Variants in LRMDA observed in about 807,000 individuals in gnomAD.
The protein encoded by LRMDA is leucine-rich melanocyte differentiation-associated protein.
A neutral mutation model predicts 29.8 loss-of-function variants in LRMDA; 18 were observed. The observed-to-expected ratio is 0.60, with a 90% CI of 0.42 to 0.90. The LOEUF (loss-of-function observed/expected upper bound fraction) is 0.90. Among genes scored for constraint, LRMDA ranks in the 40% least tolerant of loss-of-function variants. The pLI, the probability that LRMDA is intolerant of heterozygous loss-of-function variation, is 0.00. For missense variants in LRMDA, 273 were observed against 273.9 expected, an observed-to-expected ratio of 1.00 and a Z score of 0.02; for synonymous variants, 125 against 109.4, an observed-to-expected ratio of 1.14 and a Z score of -0.89.
chr10:76,145,481 G>A (rs1850296917), intron 5 of LRMDA, among the ~76,000 whole-genome samples: 1 of 152,124 alleles, frequency 6.6e-6, no homozygotes, highest in African/African-American at 2.4e-5. Context: ...TTTGCGTAGA[G>A]GTGTTTATAG....
At chr10:75,515,853 GC>G (rs1470942432) in intron 2 of LRMDA, among the ~76,000 whole-genome samples, 1 of 151,632 alleles carries the variant, frequency 6.6e-6, no homozygotes, top group Admixed American at 6.6e-5. Flanking sequence ...CCCTCCCCAA[GC>G]CCCCCACCTC....
chr10:76,188,374 C>A (rs988717446), intron 5 of LRMDA, among the ~76,000 whole-genome samples: 1 of 152,212 alleles, frequency 6.6e-6, no homozygotes, highest in Non-Finnish European at 1.5e-5. Flanking sequence ...ACTGGCCAGA[C>A]TCCAGGAGTA....
intron 2 of LRMDA, among the ~76,000 whole-genome samples, chr10:75,515,855 C>A (rs975106813): frequency 6.6e-6 from 1 of 152,070 alleles, no homozygotes; most frequent in African/African-American, 2.4e-5. Flanking sequence ...CTCCCCAAGC[C>A]CCCCACCTCC....
chr10:75,678,612 C>T (rs7085781), intron 2 of LRMDA, among the ~76,000 whole-genome samples: 30,442 of 152,122 alleles, frequency 0.2, 7,587 homozygotes, highest in African/African-American at 0.58. Flanking sequence ...GGCAACTGGG[C>T]ACTCCACAGA....
At chr10:76,266,536 G>A (rs1364639375) in intron 5 of LRMDA, among the ~76,000 whole-genome samples, 1 of 152,116 alleles carries the variant, frequency 6.6e-6, no homozygotes, top group African/African-American at 2.4e-5. Flanking sequence ...TGCAATACCT[G>A]TTTGAGGAAA....
In LRMDA at chr10:76,558,912, G is replaced by A. The variant is rs978901811; in HGVS notation, c.*1624G>A. 6.6e-6 allele frequency: 1 copy of A among 152,138 alleles called. No individual in the cohort carries two copies. Among genetic ancestry groups the A allele is most frequent in the Non-Finnish European group, 1.5e-5 (1 of 68,038 alleles). The allele number at this position is 152,138 out of a possible 1,614,324, so 9.4% of individuals were successfully genotyped here. A position where few individuals can be genotyped will look rare whatever the true frequency, so the allele number is the denominator to read the frequency against. On this transcript the variant is annotated 3_prime_UTR_variant, in exon 7 of 7. Transcript: ENST00000611255. The stretch of plus-strand genomic sequence containing the variant: ...AAATCCTCAAAACCATGAAAAATTG[G>A]AGAATGTTGAATGTTTGCATTTATC...
chr10:76,183,691 A>T (rs991950127), intron 5 of LRMDA, among the ~76,000 whole-genome samples: 1 of 152,228 alleles, frequency 6.6e-6, no homozygotes, highest in African/African-American at 2.4e-5. Context: ...ATTTCATTTG[A>T]ATAAGGAATC....
chr10:76,177,532 G>A (rs928912386), intron 5 of LRMDA, among the ~76,000 whole-genome samples: 12 of 152,080 alleles, frequency 7.9e-5, no homozygotes, highest in African/African-American at 1.4e-4. Flanking sequence ...TGCCTTTCAG[G>A]GTTCTTGCTT....
chr10:75,565,530 G>A (rs1283998644), intron 2 of LRMDA, among the ~76,000 whole-genome samples: 1 of 152,162 alleles, frequency 6.6e-6, no homozygotes, highest in Non-Finnish European at 1.5e-5. Flanking sequence ...GTCAACAAAG[G>A]CTAAGTCCTA....
At chr10:76,362,298 A>T (rs1316624192) in intron 6 of LRMDA, among the ~76,000 whole-genome samples, 1 of 152,226 alleles carries the variant, frequency 6.6e-6, no homozygotes, top group African/African-American at 2.4e-5. Context: ...TGGTGGAGAG[A>T]GTATTGAATT....
At chr10:76,051,618 A>G (rs1463568643) in intron 4 of LRMDA, among the ~76,000 whole-genome samples, 1 of 152,212 alleles carries the variant, frequency 6.6e-6, no homozygotes, top group Non-Finnish European at 1.5e-5. Flanking sequence ...GAATAACAAG[A>G]AAGGACGACA....
chr10:75,606,281 C>T (rs923619838), intron 2 of LRMDA, among the ~76,000 whole-genome samples: 3 of 152,080 alleles, frequency 2.0e-5, no homozygotes, highest in African/African-American at 4.8e-5. Context: ...GTTAAGTGTG[C>T]GAGAAGGTAG....
intron 6 of LRMDA, among the ~76,000 whole-genome samples, chr10:76,416,836 GAAA>G (rs1274933977): frequency 6.6e-6 from 1 of 152,160 alleles, no homozygotes; most frequent in Non-Finnish European, 1.5e-5. Flanking sequence ...AATGATTAAG[GAAA>G]TGTGCGTGTG....
At chr10:75,971,136 T>C (rs550659980) in intron 2 of LRMDA, among the ~76,000 whole-genome samples, 2 of 152,190 alleles carry the variant, frequency 1.3e-5, no homozygotes, top group Non-Finnish European at 2.9e-5. Context: ...CCTGAGTCAG[T>C]ACTGCCATGT....
intron 2 of LRMDA, among the ~76,000 whole-genome samples, chr10:75,682,184 G>A (rs932967331): frequency 6.6e-6 from 1 of 152,194 alleles, no homozygotes; most frequent in African/African-American, 2.4e-5. Flanking sequence ...ATTCCACGCA[G>A]CAGAAAACCA....
intron 5 of LRMDA, among the ~76,000 whole-genome samples, chr10:76,283,843 T>C (rs1450145173): frequency 1.3e-5 from 2 of 152,164 alleles, no homozygotes; most frequent in Non-Finnish European, 2.9e-5. Flanking sequence ...CTTTTTCTTT[T>C]TAAATGGAGA....
At chr10:76,098,192 C>T (rs1849343035) in intron 5 of LRMDA, among the ~76,000 whole-genome samples, 1 of 151,998 alleles carries the variant, frequency 6.6e-6, no homozygotes, top group African/African-American at 2.4e-5. Context: ...AAAGTGTTCC[C>T]TCCTATTTTC....
intron 2 of LRMDA, among the ~76,000 whole-genome samples, chr10:75,922,571 C>G (rs1305448230): frequency 6.6e-6 from 1 of 152,198 alleles, no homozygotes. Flanking sequence ...CTTATGCTTA[C>G]CCTTTGATGC....
intron 6 of LRMDA, among the ~76,000 whole-genome samples, chr10:76,416,215 A>G (rs1842012750): frequency 1.3e-5 from 2 of 152,210 alleles, no homozygotes; most frequent in Admixed American, 1.3e-4. Flanking sequence ...GAAAGGAAAG[A>G]TTTGTGACTC....
Sources: allele counts gnomAD v4.1 joint callset (sites outside exome capture counted in the v4.1 genomes callset), GRCh38; gene constraint gnomAD v4.1.1; transcripts MANE v1.5; gene names NCBI Gene and HGNC (gene_info 2026-07-23, HGNC 2026-07-21).